The following PALB2 variants were observed in gnomAD, a reference collection of about 807,000 sequenced individuals.
PALB2 encodes mutant partner and localizer of BRCA2.
In PALB2, 82 loss-of-function variants were observed where a neutral mutation model predicts 107.4. That is an observed-to-expected ratio of 0.76 (90% CI 0.64 to 0.92). PALB2 has a LOEUF of 0.92. Among genes scored for constraint, PALB2 ranks in the 40% least tolerant of loss-of-function variants. The pLI is 0.00. For missense variants in PALB2, 1,374 were observed against 1,379.9 expected (o/e 1.00, Z 0.07); for synonymous variants, 489 against 496.8 (o/e 0.98, Z 0.21).
Position 23,635,171 on chromosome 16 carries a change from C to T in PALB2, c.1375G>A (p.Asp459Asn), listed in dbSNP as rs2142417951. 1.2e-6 allele frequency: 2 copies of T among 1,614,180 alleles called. No individual in the cohort carries two copies. Among genetic ancestry groups the T allele is most frequent in the African/African-American group, 1.3e-5 (1 of 75,052 alleles). ...KNLNLSNEET[D>N]QSEIRMSGTC... ...CCAGACATCCTAATTTCACTTTGGTCAGTTTCCTCATTGGAAAGGTTTAAA... is the reference window on the plus strand; with the variant it reads ...CCAGACATCCTAATTTCACTTTGGTTAGTTTCCTCATTGGAAAGGTTTAAA... The change falls in exon 4 of 13, where the codon GAC becomes AAC. Residue 459 changes from aspartate to asparagine, a missense_variant. Physicochemically the swap from Asp to Asn is conservative, Grantham distance 23 (BLOSUM62 1). Coordinates refer to ENST00000261584, the MANE Select transcript of PALB2 (RefSeq NM_024675.4).
At chr16:23,616,724 G>T (rs552325437) in intron 10 of PALB2, among the ~76,000 whole-genome samples, 1 of 152,220 alleles carries the variant, frequency 6.6e-6, no homozygotes, top group Non-Finnish European at 1.5e-5. Context: ...AATATGGACA[G>T]CAAGACTTCC....
Position 23,634,905 on chromosome 16 carries a change from G to A in PALB2, c.1641C>T (p.Thr547=), listed in dbSNP as rs564514783. Residue 547 remains threonine (T), a synonymous_variant, in exon 4 of 13, where the codon ACC becomes ACT. Transcript: ENST00000261584. ...ATTTTTCGTGCTGATATTTGTGTGAGGTGACTTCTTCCTTGGACCTGTTAA... is the reference window on the plus strand; with the variant it reads ...ATTTTTCGTGCTGATATTTGTGTGAAGTGACTTCTTCCTTGGACCTGTTAA... ...SIVNRSKEEV[T]SHKYQHEKLF... is the part of the protein sequence containing the mutation. 1.8e-5 allele frequency: 29 copies of A among 1,614,094 alleles called. No homozygotes were observed. In the Admixed American group the frequency reaches 3.7e-4, roughly 20 times the overall value.
intron 10 of PALB2, among the ~76,000 whole-genome samples, chr16:23,617,293 T>C (rs545762380): frequency 6.6e-5 from 10 of 152,018 alleles, no homozygotes; most frequent in Non-Finnish European, 1.5e-4. Flanking sequence ...TGACAGACAA[T>C]ATGATTAATA....
rs1555460705 is a variant in PALB2, at chr16:23,630,476, A to C, written c.1685-7T>G. On this transcript the variant is annotated splice_region_variant and splice_polypyrimidine_tract_variant and intron_variant, in intron 4 of 12. Coordinates refer to ENST00000261584, the MANE Select transcript of PALB2 (RefSeq NM_024675.4). ...TGATGACGACTTTTCTTCCCTAAAG[A>C]AGAAAAATAAGTCACAAAATAGTAA... The C allele has an allele frequency of 8.2e-6, 13 of 1,592,888 alleles. No individual in the cohort carries two copies. Among genetic ancestry groups the C allele is most frequent in the Non-Finnish European group, 1.0e-5 (12 of 1,164,334 alleles).
intron 10 of PALB2, among the ~76,000 whole-genome samples, chr16:23,619,421 C>G (rs1054001770): frequency 6.6e-6 from 1 of 152,072 alleles, no homozygotes; most frequent in African/African-American, 2.4e-5. Flanking sequence ...GATCTCGGCT[C>G]ACTGCAACCT....
At chr16:23,636,584 T>C (rs1967068590) in intron 3 of PALB2, among the ~76,000 whole-genome samples, 1 of 152,166 alleles carries the variant, frequency 6.6e-6, no homozygotes, top group African/African-American at 2.4e-5. Context: ...TGATGGAGTA[T>C]GTAAAGGAAC....
chr16:23,618,903 A>G (rs546663530), intron 10 of PALB2, among the ~76,000 whole-genome samples: 18 of 152,222 alleles, frequency 1.2e-4, no homozygotes, highest in Non-Finnish European at 2.6e-4. Flanking sequence ...CCTAGACAAC[A>G]GGACATCTGA....
intron 11 of PALB2, 103 bp downstream of exon 11, chr16:23,613,901 G>A: frequency 1.2e-6 from 1 of 824,202 alleles, no homozygotes; most frequent in East Asian, 2.6e-5. Flanking sequence ...TTTGAAAAAA[G>A]ATGCCACGGG....
chr16:23,622,856 A>G (rs1222136209), intron 9 of PALB2, 113 bp downstream of exon 9: 4 of 1,205,500 alleles, frequency 3.3e-6, no homozygotes, highest in African/African-American at 1.5e-5. Context: ...GTACATGCTT[A>G]TATTACACCC....
chr16:23,603,915 T>G (rs1159988248), intron 12 of PALB2, among the ~76,000 whole-genome samples: 2 of 152,294 alleles, frequency 1.3e-5, no homozygotes, highest in Middle Eastern at 6.8e-3. Context: ...TGGCGCACAG[T>G]GGCCTTCCTT....
intron 6 of PALB2, among the ~76,000 whole-genome samples, chr16:23,627,915 A>T (rs2142363287): frequency 6.6e-6 from 1 of 152,312 alleles, no homozygotes; most frequent in African/African-American, 2.4e-5. Context: ...GAAATAGTTG[A>T]TTCTTTAAGA....
rs58841030 is a variant in PALB2, at chr16:23,631,109, CAA to C, written c.1685-642_1685-641del. Among the ~76,000 whole-genome samples the C allele has an allele frequency of 7.4e-4, 43 of 58,446 alleles. 1 individual carries two copies. The highest frequency in any genetic ancestry group is 2.1e-3 in the African/African-American group (34 of 16,574). The allele number at this position is 58,446 out of a possible 152,430, so 38.3% of individuals were successfully genotyped here. ...TGAAACCCCGTCTCTACTAAAAATA[CAA>C]AAAAAAAAAAAAAAAAAAATTAGCC... On this transcript the variant is annotated intron_variant, in intron 4 of 12. Coordinates refer to ENST00000261584, the MANE Select transcript of PALB2 (RefSeq NM_024675.4).
In PALB2 at chr16:23,628,454, CTACACCTAGGACA is replaced by C. The variant is rs1567216442; in HGVS notation, c.2586+737_2586+749del. ...AGCTTCTGCACCCCCATCTTCAACCCTACACCTAGGACATTTAGTAATGCAACATTTTCAGTTA... is the reference window on the plus strand; with the variant it reads ...AGCTTCTGCACCCCCATCTTCAACCCTTTAGTAATGCAACATTTTCAGTTA... On this transcript the variant is annotated intron_variant, in intron 6 of 12. Transcript: ENST00000261584. Among the ~76,000 whole-genome samples the C allele has an allele frequency of 5.9e-5, 9 of 152,266 alleles. No homozygotes were observed. The South Asian group carries it at 1.9e-3, about 32-fold the overall frequency.
At chr16:23,610,313 T>A (rs1645879) in intron 11 of PALB2, among the ~76,000 whole-genome samples, 9,592 of 149,412 alleles carry the variant, frequency 0.064, 354 homozygotes, top group East Asian at 0.17. Context: ...TTATTTCTTT[T>A]TTTTTTTTTT....
rs587782765 is a variant in PALB2 at position 23,629,753 on chromosome 16, C to A, written c.2401G>T (p.Asp801Tyr). 1 of 1,614,200 alleles carries A rather than the reference C, an allele frequency of 6.2e-7. No homozygotes were observed. The highest frequency in any genetic ancestry group is 1.3e-5 in the African/African-American group (1 of 75,054). The part of the protein sequence containing the change: ...VSGRQGQPTC[D>Y]CDSVPPGTPP... The stretch of plus-strand genomic sequence containing the variant: ...GTTCCTGGCGGGACAGAGTCACAGT[C>A]ACAGGTAGGTTGTCCTTGCCTGCCT... The change falls in exon 5 of 13, where the codon GAC becomes TAC. Residue 801 changes from aspartate (D) to tyrosine (Y), a missense_variant. Physicochemically the swap from Asp to Tyr is radical, Grantham distance 160. Transcript: ENST00000261584.
rs1060502747 is a variant in PALB2 at position 23,635,819 on chromosome 16, T to G, written c.727A>C (p.Thr243Pro). ...VDTFLRRPNF[T>P]RATTVPLQTL... ...TGTAAAGGAACTGTAGTCGCCCTGG[T>G]GAAATTAGGTCTTCTTAGGAATGTA... Residue 243 changes from threonine (T) to proline (P), a missense_variant, in exon 4 of 13, where the codon ACC (threonine) becomes CCC (proline). Physicochemically the swap from Thr to Pro is conservative, Grantham distance 38. Coordinates refer to ENST00000261584, the MANE Select transcript of PALB2 (RefSeq NM_024675.4). 5 of 1,614,196 alleles carry G rather than the reference T, an allele frequency of 3.1e-6. No homozygotes were observed. Among genetic ancestry groups the G allele is most frequent in the Non-Finnish European group, 3.4e-6 (4 of 1,180,030 alleles).
In PALB2 at chr16:23,630,005, C is replaced by T. The variant is rs748692809; in HGVS notation, c.2149G>A (p.Asp717Asn). Residue 717 changes from aspartate (D) to asparagine (N), a missense_variant, in exon 5 of 13, where the codon GAC becomes AAC. Physicochemically the swap from Asp to Asn is conservative, Grantham distance 23 (BLOSUM62 1). Transcript: ENST00000261584. The stretch of plus-strand genomic sequence containing the variant: ...GAACACATGTCTGTGGTAGGCCTGT[C>T]ATTATCATCAGGCGCAACCGTATTT... The part of the protein sequence containing the change: ...PLNTVAPDDN[D>N]RPTTDMCSPA... 1.2e-6 allele frequency: 2 copies of T among 1,614,074 alleles called. No individual in the cohort carries two copies. Among genetic ancestry groups the T allele is most frequent in the Non-Finnish European group, 1.7e-6 (2 of 1,180,000 alleles).
intron 3 of PALB2, among the ~76,000 whole-genome samples, chr16:23,637,554 T>G (rs1163606881): frequency 6.6e-6 from 1 of 151,516 alleles, no homozygotes; most frequent in Non-Finnish European, 1.5e-5. Flanking sequence ...AATATAACAA[T>G]TAGTCAGGTG....
At chr16:23,605,570 A>T (rs558479363) in intron 12 of PALB2, among the ~76,000 whole-genome samples, 1 of 152,228 alleles carries the variant, frequency 6.6e-6, no homozygotes, top group South Asian at 2.1e-4. Flanking sequence ...CATCGCACCC[A>T]GCTCATTTTT....
Sources: gnomAD v4.1 joint callset for allele counts (sites outside exome capture counted in the v4.1 genomes callset) on GRCh38, gnomAD v4.1.1 for gene constraint, MANE v1.5 for transcripts, NCBI Gene and HGNC (gene_info 2026-07-23, HGNC 2026-07-21) for gene names.